The following HPRT1 variants were observed in gnomAD, a reference collection of about 807,000 sequenced individuals.
HPRT1 encodes hypoxanthine phosphoribosyltransferase 1.
Under a neutral mutation model 19.0 loss-of-function variants are expected in HPRT1, and 4 were observed. The observed-to-expected ratio is 0.21, with a 90% CI of 0.10 to 0.48. HPRT1 has a LOEUF of 0.48. Among genes scored for constraint, HPRT1 ranks in the 20% least tolerant of loss-of-function variants. The probability of loss-of-function intolerance (pLI) is 0.98; values close to 1 mark genes in which losing one functional copy is unlikely to be tolerated. For synonymous variants in HPRT1, 53 were observed against 54.9 expected (o/e 0.97, Z 0.15); for missense variants, 65 against 164.0 (o/e 0.40, Z 3.30).
chrX:134,486,426 TAG>T, intron 3 of HPRT1, 37 bp from the exon 4 acceptor site: 1 of 724,753 alleles, frequency 1.4e-6, no homozygotes, highest in East Asian at 3.7e-5. Context: ...TATGTGTGTG[TAG>T]ATATATATAT....
intron 4 of HPRT1, among the ~76,000 whole-genome samples, chrX:134,488,379 C>T (rs1290492413): frequency 9.0e-6 from 1 of 110,922 alleles, no homozygotes; most frequent in Non-Finnish European, 1.9e-5. Context: ...CTCAGGTATC[C>T]ACCTGCCTCA....
intron 1 of HPRT1, among the ~76,000 whole-genome samples, chrX:134,462,201 A>T (rs1031232467): frequency 2.7e-5 from 3 of 110,446 alleles, no homozygotes; most frequent in African/African-American, 9.9e-5. Flanking sequence ...ATTTTTTGAG[A>T]TGGAGTTTCG....
At chrX:134,481,869 A>G (rs113362418) in intron 3 of HPRT1, among the ~76,000 whole-genome samples, 6 of 111,508 alleles carry the variant, frequency 5.4e-5, no homozygotes, top group African/African-American at 2.0e-4. Context: ...TTCCTCAGCA[A>G]ATACATATTG....
chrX:134,496,602 C>T (rs1280926477), intron 6 of HPRT1, among the ~76,000 whole-genome samples: 3 of 111,941 alleles, frequency 2.7e-5, no homozygotes, highest in Non-Finnish European at 5.6e-5. Flanking sequence ...TATGTTCTTT[C>T]TAAATGGAAA....
At chrX:134,481,954 G>A (rs970047864) in intron 3 of HPRT1, among the ~76,000 whole-genome samples, 4 of 112,373 alleles carry the variant, frequency 3.6e-5, no homozygotes, top group African/African-American at 1.3e-4. Flanking sequence ...CCCAAACCAG[G>A]CATAAAATGG....
At chrX:134,490,537 T>C (rs1463105660) in intron 5 of HPRT1, among the ~76,000 whole-genome samples, 2 of 107,389 alleles carry the variant, frequency 1.9e-5, no homozygotes, top group African/African-American at 6.7e-5. Context: ...TTTTGTCTTA[T>C]GTAATATTTG....
At chrX:134,497,321 T>G (rs937329102) in intron 6 of HPRT1, among the ~76,000 whole-genome samples, 1 of 110,130 alleles carries the variant, frequency 9.1e-6, no homozygotes, top group Non-Finnish European at 1.9e-5. Flanking sequence ...AGAGCGAGAC[T>G]CATCTCTTTA....
At chrX:134,467,211 C>T (rs1192531780) in intron 1 of HPRT1, among the ~76,000 whole-genome samples, 4 of 110,019 alleles carry the variant, frequency 3.6e-5, no homozygotes, top group Non-Finnish European at 7.6e-5. Flanking sequence ...CCACCACACC[C>T]GGCTAATTTT....
At chrX:134,491,560 C>T (rs746405088) in intron 5 of HPRT1, among the ~76,000 whole-genome samples, 8 of 110,456 alleles carry the variant, frequency 7.2e-5, no homozygotes, top group South Asian at 3.9e-4. Context: ...GGTTGACAGA[C>T]GTTAGGTTGT....
intron 3 of HPRT1, among the ~76,000 whole-genome samples, chrX:134,475,727 T>A (rs55980418): frequency 3.6e-5 from 4 of 111,710 alleles, no homozygotes; most frequent in Non-Finnish European, 5.6e-5. Context: ...ATAAGGTGGG[T>A]TAACACTTGT....
chrX:134,497,902 G>A (rs1314066684), intron 6 of HPRT1, among the ~76,000 whole-genome samples: 2 of 108,077 alleles, frequency 1.9e-5, no homozygotes, highest in African/African-American at 6.8e-5. Context: ...AGCGGAGATC[G>A]CGCCACTGCA....
intron 1 of HPRT1, among the ~76,000 whole-genome samples, chrX:134,462,003 C>T (rs1267059274): frequency 6.3e-5 from 7 of 110,709 alleles, no homozygotes; most frequent in Non-Finnish European, 1.3e-4. Flanking sequence ...CAGGGTCTCA[C>T]TCTGTCACCT....
At chrX:134,467,859 G>C (rs2077600940) in intron 1 of HPRT1, among the ~76,000 whole-genome samples, 1 of 101,307 alleles carries the variant, frequency 9.9e-6, no homozygotes, top group Non-Finnish European at 2.0e-5. Context: ...AGGCTGGAGT[G>C]TAGTGGTATG....
chrX:134,475,031 C>G (rs2077620735), intron 2 of HPRT1, 150 bp from the exon 3 acceptor site: 1 of 456,892 alleles, frequency 2.2e-6, no homozygotes. Context: ...CAGGTACATG[C>G]TACCATGCCT....
chrX:134,478,423 C>T (rs1412125199), intron 3 of HPRT1, among the ~76,000 whole-genome samples: 2 of 110,582 alleles, frequency 1.8e-5, no homozygotes, highest in African/African-American at 6.6e-5. Context: ...TTGAGACCAG[C>T]CTAGACAACA....
rs2077692834 is a variant in HPRT1 at position 134,500,541 on chromosome X, T to C, written c.*464T>C. 1.7e-5 allele frequency: 2 copies of C among 116,220 alleles called. No individual in the cohort carries two copies. The highest frequency in any genetic ancestry group is 3.7e-5 in the Non-Finnish European group (2 of 54,767). 9.6% of individuals were successfully genotyped at this position (116,220 alleles called of 1,213,427 possible). A position where few individuals can be genotyped will look rare whatever the true frequency, so the allele number is the denominator to read the frequency against. On this transcript the variant is annotated 3_prime_UTR_variant, in exon 9 of 9. Coordinates refer to ENST00000298556, the MANE Select transcript of HPRT1 (RefSeq NM_000194.3). Reference sequence around the variant, plus strand: ...ACAGCATCTAAGAAGTTTTGTTCTGTCCTGGAATTATTTTAGTAGTGTTTC... The same window carrying C: ...ACAGCATCTAAGAAGTTTTGTTCTGCCCTGGAATTATTTTAGTAGTGTTTC...
At chrX:134,476,926 A>G (rs1460517334) in intron 3 of HPRT1, among the ~76,000 whole-genome samples, 1 of 110,929 alleles carries the variant, frequency 9.0e-6, no homozygotes, top group Non-Finnish European at 1.9e-5. Flanking sequence ...TAAGCAAAGC[A>G]TATTTTTAGG....
intron 3 of HPRT1, among the ~76,000 whole-genome samples, chrX:134,481,049 T>C (rs1165079133): frequency 9.1e-6 from 1 of 110,255 alleles, no homozygotes; most frequent in Non-Finnish European, 1.9e-5. Context: ...GTTAAAAGAT[T>C]ACTGCAGTGA....
chrX:134,489,202 T>A (rs1025066658), intron 4 of HPRT1, among the ~76,000 whole-genome samples: 1 of 111,807 alleles, frequency 8.9e-6, no homozygotes, highest in African/African-American at 3.2e-5. Context: ...CATGCCCAAT[T>A]TATAAAAAGT....
Sources: allele counts gnomAD v4.1 joint callset (sites outside exome capture counted in the v4.1 genomes callset), GRCh38; gene constraint gnomAD v4.1.1; transcripts MANE v1.5; gene names NCBI Gene and HGNC (gene_info 2026-07-23, HGNC 2026-07-21).